The following ZNF668 variants were observed in gnomAD, a reference collection of about 807,000 sequenced individuals.
ZNF668 encodes the protein zinc finger protein 668.
Under a neutral mutation model 40.3 loss-of-function variants are expected in ZNF668, and 10 were observed. That is an observed-to-expected ratio of 0.25 (90% CI 0.15 to 0.42). The LOEUF (loss-of-function observed/expected upper bound fraction) is 0.42. ZNF668 is among the 10% of genes least tolerant of loss of function. ZNF668 has a pLI of 1.00. For missense variants in ZNF668, 749 were observed against 904.6 expected, an observed-to-expected ratio of 0.83 and a Z score of 2.21; for synonymous variants, 428 against 384.6, an observed-to-expected ratio of 1.11 and a Z score of -1.32.
At chr16:31,070,203 C>T (rs2057006314) in intron 1 of ZNF668, among the ~76,000 whole-genome samples, 1 of 151,876 alleles carries the variant, frequency 6.6e-6, no homozygotes, top group African/African-American at 2.4e-5. Flanking sequence ...CAGGTGTGAG[C>T]CACCGCGCCC....
rs868065284 is a variant in ZNF668 at position 31,061,777 on chromosome 16, C to T, written c.1151G>A (p.Arg384Gln). 1 of 1,613,030 alleles carries T rather than the reference C, an allele frequency of 6.2e-7. No homozygotes were observed. The highest frequency in any genetic ancestry group is 1.1e-5 in the South Asian group (1 of 91,070). The change falls in exon 3 of 3, where the codon CGG (arginine) becomes CAG (glutamine). Residue 384 changes from arginine to glutamine, a missense_variant. Transcript: ENST00000300849. The surrounding 1 kb of genome is among the most constrained non-coding windows in gnomAD (Gnocchi z 7.7). ...GAAGGGGCGCTCCCCCGAGTGCACC[C>T]GGCTATGCTTCGTGAGGCTGGCACG... is the stretch of plus-strand genomic sequence containing the variant. ...AERASLTKHSRVHSGERPFHC... is the reference protein window; with the variant it reads ...AERASLTKHSQVHSGERPFHC...
intron 1 of ZNF668, chr16:31,069,268 TACACACACAC>T (rs55722354): frequency 0.17 from 23,678 of 141,728 alleles, 2,322 homozygotes; most frequent in Non-Finnish European, 0.23. Context: ...CTACTAAAAA[TACACACACAC>T]ACACACACAC....
Position 31,068,238 on chromosome 16 carries a change from AAATAT to A in ZNF668, c.-22-3762_-22-3758del, listed in dbSNP as rs1257949837. On this transcript the variant is annotated intron_variant, in intron 1 of 2. Coordinates refer to ENST00000300849, the MANE Select transcript of ZNF668 (RefSeq NM_024706.5). ...CCACCATTAAAAAAAAAAAAAAAAA[AAATAT>A]ATATATATATATATATATATATAAT... Among the ~76,000 whole-genome samples the A allele has an allele frequency of 6.5e-5, 6 of 91,792 alleles. 1 individual carries two copies. The highest frequency in any genetic ancestry group is 1.0e-4 in the Non-Finnish European group (5 of 48,702). 60.2% of individuals were successfully genotyped at this position (91,792 alleles called of 152,430 possible).
At chr16:31,065,863 A>AAAT (rs2056977936) in intron 1 of ZNF668, among the ~76,000 whole-genome samples, 1 of 151,862 alleles carries the variant, frequency 6.6e-6, no homozygotes. Flanking sequence ...CAAAAAAAAA[A>AAAT]AAATAAAAAG....
chr16:31,068,458 G>A (rs1375552023), intron 1 of ZNF668, among the ~76,000 whole-genome samples: 1 of 150,172 alleles, frequency 6.7e-6, no homozygotes, highest in East Asian at 2.0e-4. Flanking sequence ...TCCTGACCTC[G>A]TGATCCGACC....
Position 31,063,836 on chromosome 16 carries a change from G to C in ZNF668, c.624C>G (p.Leu208=), listed in dbSNP as rs749818932. ...CERCGKAYAE[L]KDLRNHERSH... ...ACCGCTCATGGTTGCGGAGGTCCTT[G>C]AGCTCCGCATAGGCTTTGCCGCAAC... is the stretch of plus-strand genomic sequence containing the variant. Residue 208 remains leucine, a synonymous_variant, in exon 2 of 3, where the codon CTC becomes CTG. Transcript: ENST00000300849. 1.9e-6 allele frequency: 3 copies of C among 1,581,136 alleles called. No homozygotes were observed. The highest frequency in any genetic ancestry group is 2.6e-6 in the Non-Finnish European group (3 of 1,158,986).
Position 31,063,806 on chromosome 16 carries a change from C to G in ZNF668, c.647+7G>C, listed in dbSNP as rs754539628. 3 of 1,554,214 alleles carry G rather than the reference C, an allele frequency of 1.9e-6. No individual in the cohort carries two copies. The South Asian group carries it at 3.5e-5, about 18-fold the overall frequency. On this transcript the variant is annotated splice_region_variant and intron_variant, in intron 2 of 2. Coordinates refer to ENST00000300849, the MANE Select transcript of ZNF668 (RefSeq NM_024706.5). ...GGAAGGCGCCCTGCCCCGGAAGGCA[C>G]CCTCACCGCTCATGGTTGCGGAGGT...
chr16:31,068,403 T>C (rs2056993824), intron 1 of ZNF668, among the ~76,000 whole-genome samples: 1 of 150,770 alleles, frequency 6.6e-6, no homozygotes, highest in Non-Finnish European at 1.5e-5. Context: ...TTTGTATTTT[T>C]AGTAGAGACG....
At chr16:31,069,123 C>A (rs2143774983) in intron 1 of ZNF668, 1 of 152,334 alleles carries the variant, frequency 6.6e-6, no homozygotes, top group African/African-American at 2.4e-5. Context: ...AGACTTCCCA[C>A]TGCTCCCAGG....
At position 31,064,121 on chromosome 16, in the gene ZNF668, C is replaced by T. The variant is rs781342908; in HGVS notation, c.339G>A (p.Pro113=). 3.1e-6 allele frequency: 5 copies of T among 1,606,124 alleles called. No individual in the cohort carries two copies. The highest frequency in any genetic ancestry group is 2.2e-5 in the East Asian group (1 of 44,782). The change falls in exon 2 of 3, where the codon CCG becomes CCA. Residue 113 remains proline, a synonymous_variant. Transcript: ENST00000300849. ...GRSHTGEKPF[P]CPECGRRFMQ... ...TGAAGCGGCGGCCGCACTCGGGGCACGGAAAGGGCTTCTCCCCCGTGTGGC... is the reference window on the plus strand; with the variant it reads ...TGAAGCGGCGGCCGCACTCGGGGCATGGAAAGGGCTTCTCCCCCGTGTGGC...
At position 31,064,154 on chromosome 16, in the gene ZNF668, G is replaced by A. The variant is rs142787586; in HGVS notation, c.306C>T (p.His102=). ...AYKTAPELRS[H]GRSHTGEKPF... ...GCTTCTCCCCCGTGTGGCTGCGCCC[G>A]TGGCTGCGCAGCTCGGGTGCCGTCT... The change falls in exon 2 of 3, where the codon CAC becomes CAT. Residue 102 remains histidine, a synonymous_variant. Coordinates refer to ENST00000300849, the MANE Select transcript of ZNF668 (RefSeq NM_024706.5). 647 of 1,608,838 alleles carry A rather than the reference G, an allele frequency of 4.0e-4. No homozygotes were observed. The highest frequency in any genetic ancestry group is 5.2e-4 in the Non-Finnish European group (617 of 1,179,096).
chr16:31,063,805 A>C lies in ZNF668; in HGVS notation c.647+8T>G. ...CGGAAGGCGCCCTGCCCCGGAAGGC[A>C]CCCTCACCGCTCATGGTTGCGGAGG... On this transcript the variant is annotated splice_region_variant and intron_variant, in intron 2 of 2. Coordinates refer to ENST00000300849, the MANE Select transcript of ZNF668 (RefSeq NM_024706.5). The C allele has an allele frequency of 6.4e-7, 1 of 1,552,302 alleles. No homozygotes were observed. Among genetic ancestry groups the C allele is most frequent in the Middle Eastern group, 2.0e-4 (1 of 5,016 alleles).
intron 1 of ZNF668, chr16:31,066,011 G>T (rs2056979333): frequency 1.0e-6 from 1 of 985,204 alleles, no homozygotes. Flanking sequence ...GCCAGGAAAG[G>T]GCGGGAGAAG....
At chr16:31,070,581 C>G (rs1284803173) in intron 1 of ZNF668, among the ~76,000 whole-genome samples, 1 of 151,758 alleles carries the variant, frequency 6.6e-6, no homozygotes, top group Non-Finnish European at 1.5e-5. Context: ...ACTCTTGTTG[C>G]CAAGGCTGGA....
At position 31,061,926 on chromosome 16, in the gene ZNF668, C is replaced by A; in HGVS notation, c.1002G>T (p.Arg334=). 6.2e-7 allele frequency: 1 copy of A among 1,613,476 alleles called. No individual in the cohort carries two copies. The part of the protein sequence containing the change: ...AMHRRVHTGD[R]PFKCLQCDKT... ...TGTCACATTGCAGGCACTTGAACGG[C>A]CGGTCGCCTGTGTGCACACGCCGGT... The change falls in exon 3 of 3, where the codon CGG becomes CGT. Residue 334 remains arginine, a synonymous_variant. Transcript: ENST00000300849. This position sits in a 1 kb window ranked among gnomAD's most constrained non-coding sequence, Gnocchi z 7.7.
chr16:31,063,779 C>A lies in ZNF668; in HGVS notation c.647+34G>T, dbSNP rs767695027. On this transcript the variant is annotated intron_variant, in intron 2 of 2. Coordinates refer to ENST00000300849, the MANE Select transcript of ZNF668 (RefSeq NM_024706.5). The stretch of plus-strand genomic sequence containing the variant: ...GCTGCAGCAACGCTGTCGCCCTGCC[C>A]CGGAAGGCGCCCTGCCCCGGAAGGC... 4.6e-6 allele frequency: 7 copies of A among 1,507,462 alleles called. No homozygotes were observed. The African/African-American group carries it at 8.3e-5, about 18-fold the overall frequency. The allele number at this position is 1,507,462 out of a possible 1,614,324, so 93.4% of individuals were successfully genotyped here. A position where few individuals can be genotyped will look rare whatever the true frequency, so the allele number is the denominator to read the frequency against.
Position 31,064,359 on chromosome 16 carries a change from G to C in ZNF668, c.101C>G (p.Ala34Gly). The C allele has an allele frequency of 1.2e-6, 2 of 1,613,964 alleles. No individual in the cohort carries two copies. Among genetic ancestry groups the C allele is most frequent in the South Asian group, 1.1e-5 (1 of 91,086 alleles). The change falls in exon 2 of 3, where the codon GCG becomes GGG. Residue 34 changes from alanine (A) to glycine (G), a missense_variant. Coordinates refer to ENST00000300849, the MANE Select transcript of ZNF668 (RefSeq NM_024706.5). ...GGCAGCGTGGCGCGCTGCCCTGGGCGCGTTTGGAAATGTCTTGGTACAGGA... is the reference window on the plus strand; with the variant it reads ...GGCAGCGTGGCGCGCTGCCCTGGGCCCGTTTGGAAATGTCTTGGTACAGGA... ...CLSCTKTFPN[A>G]PRAARHAATH...
At position 31,063,932 on chromosome 16, in the gene ZNF668, G is replaced by A. The variant is rs1431809754; in HGVS notation, c.528C>T (p.Ser176=). 2.5e-6 allele frequency: 4 copies of A among 1,600,352 alleles called. No homozygotes were observed. The highest frequency in any genetic ancestry group is 1.1e-5 in the South Asian group (1 of 89,226). ...TGCGGAACACTGAAGGGTCAGCAAA[G>A]CTCTTGCCGCAGTCGGCGCAGGCGT... ...RPYACADCGK[S]FADPSVFRKH... The change falls in exon 2 of 3, where the codon AGC becomes AGT. Residue 176 remains serine (S), a synonymous_variant. Transcript: ENST00000300849.
intron 1 of ZNF668, chr16:31,065,062 A>G: frequency 9.5e-7 from 1 of 1,050,180 alleles, no homozygotes; most frequent in South Asian, 3.5e-5. Context: ...GCACAGCTGT[A>G]CGGGCCTCCG....
Sources: gnomAD v4.1 joint callset for allele counts (sites outside exome capture counted in the v4.1 genomes callset) on GRCh38, gnomAD v4.1.1 for gene constraint, Gnocchi (gnomAD v3.1) non-coding constraint, MANE v1.5 for transcripts, NCBI Gene and HGNC (gene_info 2026-07-23, HGNC 2026-07-21) for gene names.